Variants in RHOBTB2 observed in about 807,000 individuals in gnomAD.
RHOBTB2 encodes Rho related BTB domain containing 2, also known as rho-related BTB domain-containing protein 2.
Under a neutral mutation model 66.5 loss-of-function variants are expected in RHOBTB2, and 39 were observed. The ratio of observed to expected loss-of-function variants is 0.59; its 90% confidence interval spans 0.45 to 0.77. The LOEUF is 0.77. Among genes scored for constraint, RHOBTB2 ranks in the 30% least tolerant of loss-of-function variants. The pLI, the probability that RHOBTB2 is intolerant of heterozygous loss-of-function variation, is 0.00. For synonymous variants in RHOBTB2, 390 were observed against 395.0 expected, an observed-to-expected ratio of 0.99 and a Z score of 0.15; for missense variants, 755 against 999.1, an observed-to-expected ratio of 0.76 and a Z score of 3.29.
the RHOBTB2 span, among the ~76,000 whole-genome samples, chr8:22,970,131 A>C: frequency 6.6e-6 from 1 of 152,214 alleles, no homozygotes; most frequent in Non-Finnish European, 1.5e-5. Flanking sequence ...ATTTATAAAG[A>C]AAAGAAATTT....
intron 8 of RHOBTB2, 125 bp downstream of exon 8, chr8:23,014,903 T>C: frequency 1.3e-6 from 1 of 752,394 alleles, no homozygotes; most frequent in Admixed American, 2.1e-5. Context: ...CTGGGCTCTT[T>C]GACTGCGCGT....
Position 23,007,191 on chromosome 8 carries a change from C to A in RHOBTB2, c.946C>A (p.Pro316Thr), listed in dbSNP as rs1810989178. The A allele has an allele frequency of 8.1e-6, 13 of 1,604,066 alleles. No homozygotes were observed. The highest frequency in any genetic ancestry group is 1.1e-5 in the Non-Finnish European group (13 of 1,178,468). The change falls in exon 5 of 10, where the codon CCA becomes ACA. Residue 316 changes from proline to threonine, a missense_variant. Around this residue, in one of 7 missense-constraint regions of RHOBTB2, gnomAD observed 247 missense variants for 238.9 expected, o/e 1.03. Transcript: ENST00000251822. ...GGPSEPGGTH[P>T]EDHQGHSDQH... is the part of the protein sequence containing the mutation. ...CCCCTCGGAGCCAGGGGGCACCCACCCAGAGGACCACCAGGGCCACTCTGA... is the reference window on the plus strand; with the variant it reads ...CCCCTCGGAGCCAGGGGGCACCCACACAGAGGACCACCAGGGCCACTCTGA...
chr8:22,953,301 T>G, the RHOBTB2 span, among the ~76,000 whole-genome samples: 1 of 152,294 alleles, frequency 6.6e-6, no homozygotes, highest in East Asian at 1.9e-4. Context: ...GATCACCAGC[T>G]TCAGGTGTTT....
Position 23,005,460 on chromosome 8 carries a change from G to A in RHOBTB2, c.281G>A (p.Arg94His). 6.2e-7 allele frequency: 1 copy of A among 1,613,250 alleles called. No homozygotes were observed. The highest frequency in any genetic ancestry group is 8.5e-7 in the Non-Finnish European group (1 of 1,179,262). ...TTTGGAGACCACCACAAAGACCGTC[G>A]CTTTGCTTATGGGAGGTAGGGAAGG... Reference protein sequence around the residue: ...DTFGDHHKDRRFAYGRSDVVV... With the variant: ...DTFGDHHKDRHFAYGRSDVVV... The change falls in exon 3 of 10, where the codon CGC becomes CAC. Residue 94 changes from arginine to histidine, a missense_variant. This residue lies in a region of RHOBTB2 where 65 missense variants were observed against 152.4 expected (regional missense o/e 0.43). Transcript: ENST00000251822.
the RHOBTB2 span, among the ~76,000 whole-genome samples, chr8:22,964,084 T>A: frequency 6.6e-6 from 1 of 152,182 alleles, no homozygotes; most frequent in African/African-American, 2.4e-5. Context: ...CCCAGCCTCC[T>A]GTTTTTTTTG....
At chr8:22,982,822 C>T (rs201828493), upstream of RHOBTB2, among the ~76,000 whole-genome samples, 1 of 152,342 alleles carries the variant, frequency 6.6e-6, no homozygotes, top group East Asian at 1.9e-4. Context: ...AAAGGCTGGA[C>T]AGTCTGAGAT....
upstream of RHOBTB2, chr8:22,994,552 C>T (rs1354388214): frequency 6.5e-7 from 1 of 1,540,420 alleles, no homozygotes; most frequent in Non-Finnish European, 8.8e-7. Context: ...TCCTGTTCCT[C>T]ACAACCAGGA....
chr8:23,005,510 A>G lies in RHOBTB2; in HGVS notation c.296+35A>G, dbSNP rs115167873. On this transcript the variant is annotated intron_variant, in intron 3 of 9. Coordinates refer to ENST00000251822, the MANE Select transcript of RHOBTB2 (RefSeq NM_015178.3). Reference sequence around the variant, plus strand: ...GCCTCTAGCCGCCTGCAGAGAACCAACAGGGTGGGTTTTTCCCTGCTTTTC... The same window carrying G: ...GCCTCTAGCCGCCTGCAGAGAACCAGCAGGGTGGGTTTTTCCCTGCTTTTC... 2,775 of 1,374,914 alleles carry G rather than the reference A, an allele frequency of 2.0e-3. 37 individuals are homozygous for G. The African/African-American group carries it at 0.034, about 17-fold the overall frequency. The allele number at this position is 1,374,914 out of a possible 1,614,324, so 85.2% of individuals were successfully genotyped here.
intron 7 of RHOBTB2, among the ~76,000 whole-genome samples, chr8:23,013,714 T>G (rs1459577310): frequency 9.2e-5 from 14 of 152,252 alleles, no homozygotes; most frequent in Non-Finnish European, 1.5e-5. Flanking sequence ...CAGGCTGGTC[T>G]TGAACTCCTG....
At chr8:23,005,553 CTG>C (rs1251966777) in intron 3 of RHOBTB2, 78 bp downstream of exon 3, 3 of 990,456 alleles carry the variant, frequency 3.0e-6, no homozygotes, top group Non-Finnish European at 3.2e-6. Flanking sequence ...CAAAGCACCT[CTG>C]TGAAATTTCA....
the RHOBTB2 span, among the ~76,000 whole-genome samples, chr8:22,959,387 C>G: frequency 2.6e-5 from 4 of 152,170 alleles, no homozygotes; most frequent in African/African-American, 9.7e-5. Flanking sequence ...GCTGGGATTA[C>G]AGGTGCATGC....
upstream of RHOBTB2, among the ~76,000 whole-genome samples, chr8:22,985,239 C>T (rs6992635): frequency 0.096 from 14,675 of 152,242 alleles, 1,852 homozygotes; most frequent in African/African-American, 0.29. Context: ...AGTTCTGGTT[C>T]CACACTATTT....
the RHOBTB2 span, among the ~76,000 whole-genome samples, chr8:22,979,747 T>C: frequency 2.5e-5 from 3 of 120,356 alleles, no homozygotes; most frequent in East Asian, 7.8e-4. Context: ...TCTTTCTTTT[T>C]TTTTTTTTTT....
the RHOBTB2 span, among the ~76,000 whole-genome samples, chr8:22,974,183 A>C: frequency 6.6e-6 from 1 of 152,106 alleles, no homozygotes; most frequent in Non-Finnish European, 1.5e-5. Flanking sequence ...GAAAGCCGGG[A>C]GGAAAGGGCA....
At position 23,010,435 on chromosome 8, in the gene RHOBTB2, G is replaced by A; in HGVS notation, c.1621-103G>A. ...GCACAGGGAAGGCTGCCCGTCTGGG[G>A]GAGCCTGGGTGTGAGGGCCAGAGCT... On this transcript the variant is annotated intron_variant, in intron 6 of 9. Coordinates refer to ENST00000251822, the MANE Select transcript of RHOBTB2 (RefSeq NM_015178.3). The A allele has an allele frequency of 4.4e-6, 6 of 1,353,542 alleles. No individual in the cohort carries two copies. The Admixed American group carries it at 1.3e-4, about 29-fold the overall frequency. The allele number at this position is 1,353,542 out of a possible 1,614,324, so 83.8% of individuals were successfully genotyped here. A position where few individuals can be genotyped will look rare whatever the true frequency, so the allele number is the denominator to read the frequency against.
chr8:22,988,187 T>TTGAGATGGTGA (rs1810332608), intron 1 of RHOBTB2, among the ~76,000 whole-genome samples: 1 of 128,518 alleles, frequency 7.8e-6, no homozygotes, highest in African/African-American at 2.9e-5. Flanking sequence ...TGAGATGGAG[T>TTGAGATGGTGA]CTCACTCTGT....
Position 23,005,976 on chromosome 8 carries a change from C to A in RHOBTB2, c.313C>A (p.Leu105Met). 1 of 1,612,974 alleles carries A rather than the reference C, an allele frequency of 6.2e-7. No individual in the cohort carries two copies. Among genetic ancestry groups the A allele is most frequent in the Non-Finnish European group, 8.5e-7 (1 of 1,179,068 alleles). The part of the protein sequence containing the change: ...FAYGRSDVVV[L>M]CFSIANPNSL... ...CACCCGCAGATCTGATGTGGTGGTT[C>A]TGTGCTTCTCCATTGCCAACCCCAA... The change falls in exon 4 of 10, where the codon CTG (leucine) becomes ATG (methionine). Residue 105 changes from leucine (L) to methionine (M), a missense_variant. Leu to Met is a conservative substitution (Grantham distance 15). This residue lies in a region of RHOBTB2 where 65 missense variants were observed against 152.4 expected (regional missense o/e 0.43). Transcript: ENST00000251822.
chr8:22,954,503 C>T, the RHOBTB2 span, among the ~76,000 whole-genome samples: 1 of 148,652 alleles, frequency 6.7e-6, no homozygotes, highest in African/African-American at 2.6e-5. Flanking sequence ...ACTTAATAAT[C>T]TTTTTTGTTT....
the RHOBTB2 span, among the ~76,000 whole-genome samples, chr8:22,961,760 G>C: frequency 6.6e-6 from 1 of 152,118 alleles, no homozygotes; most frequent in Non-Finnish European, 1.5e-5. Flanking sequence ...AATTCTGTAA[G>C]TTATTTACTG....
Sources: allele counts gnomAD v4.1 joint callset (sites outside exome capture counted in the v4.1 genomes callset), GRCh38; gene constraint gnomAD v4.1.1; regional missense constraint gnomAD v4.1.1; transcripts MANE v1.5; gene names NCBI Gene and HGNC (gene_info 2026-07-23, HGNC 2026-07-21).